The following NFIB variants were observed in gnomAD, a reference collection of about 807,000 sequenced individuals.
The protein encoded by NFIB is nuclear factor I B, also known as nuclear factor 1 B-type.
NFIB carries 11 observed loss-of-function variants against 61.5 expected under a neutral mutation model. The ratio of observed to expected loss-of-function variants is 0.18; its 90% CI spans 0.11 to 0.30. NFIB has a LOEUF of 0.30. Among genes scored for constraint, NFIB ranks in the 10% least tolerant of loss-of-function variants. The probability of loss-of-function intolerance (pLI) is 1.00; values close to 1 mark genes in which losing one functional copy is unlikely to be tolerated. For synonymous variants in NFIB, 260 were observed against 216.5 expected (o/e 1.20, Z -1.76); for missense variants, 471 against 608.9 (o/e 0.77, Z 2.38).
At chr9:14,118,402 T>G (rs1038789977) in intron 8 of NFIB, among the ~76,000 whole-genome samples, 2 of 152,082 alleles carry the variant, frequency 1.3e-5, no homozygotes, top group African/African-American at 2.4e-5. Flanking sequence ...ACCCTGACCA[T>G]TCTACAAACT....
chr9:14,140,768 T>C lies in NFIB; in HGVS notation c.925+5921A>G, dbSNP rs368974703. Among the ~76,000 whole-genome samples the C allele has an allele frequency of 3.4e-3, 525 of 152,214 alleles. 3 individuals carry two copies. Among genetic ancestry groups the C allele is most frequent in the Admixed American group, 5.6e-3 (86 of 15,284 alleles). On this transcript the variant is annotated intron_variant, in intron 6 of 10. Transcript: ENST00000380953. ...GGGTAACATAGTGAGACCCCAGCTC[T>C]ACACAAAATTTAAAAATTAGCTGGG...
At chr9:14,265,936 C>T (rs1225474300) in intron 2 of NFIB, among the ~76,000 whole-genome samples, 1 of 152,188 alleles carries the variant, frequency 6.6e-6, no homozygotes. Context: ...GATCAACTTA[C>T]TGCAATACCA....
intron 1 of NFIB, among the ~76,000 whole-genome samples, chr9:14,384,078 C>G (rs367697425): frequency 6.6e-6 from 1 of 152,182 alleles, no homozygotes; most frequent in African/African-American, 2.4e-5. Context: ...ATGAGGAGCA[C>G]GCCACATGCT....
chr9:14,198,079 A>T (rs2048646185), intron 2 of NFIB, among the ~76,000 whole-genome samples: 1 of 152,254 alleles, frequency 6.6e-6, no homozygotes, highest in Non-Finnish European at 1.5e-5. Context: ...AAGAATTAGT[A>T]GGTGGCTCAG....
the NFIB span, among the ~76,000 whole-genome samples, chr9:14,444,062 C>A: frequency 6.6e-6 from 1 of 152,158 alleles, no homozygotes; most frequent in Admixed American, 6.5e-5. Context: ...AATTATTTGT[C>A]ATTTTCTAAG....
chr9:14,296,801 T>C (rs1358337811), intron 2 of NFIB, among the ~76,000 whole-genome samples: 1 of 152,240 alleles, frequency 6.6e-6, no homozygotes, highest in African/African-American at 2.4e-5. Context: ...ACATTTTCTG[T>C]GCTCTACAAA....
the NFIB span, among the ~76,000 whole-genome samples, chr9:14,495,835 A>G: frequency 6.6e-6 from 1 of 152,188 alleles, no homozygotes; most frequent in Non-Finnish European, 1.5e-5. Context: ...TAATTTTCTC[A>G]CAGACTATCT....
At chr9:14,151,130 A>G (rs1269451132) in intron 4 of NFIB, among the ~76,000 whole-genome samples, 1 of 152,094 alleles carries the variant, frequency 6.6e-6, no homozygotes, top group East Asian at 1.9e-4. Flanking sequence ...AACCGGACAC[A>G]TAGGATTATT....
chr9:14,085,697 T>TA lies in NFIB; in HGVS notation c.*2611dup, dbSNP rs202139848. ...ACCCTCTGTTCAATCTTCTGGATAT[T>TA]AAAAAAAAATCCAAGTGCACTGCCA... On this transcript the variant is annotated 3_prime_UTR_variant, in exon 11 of 11. Coordinates refer to ENST00000380953, the MANE Select transcript of NFIB (RefSeq NM_001190737.2). 296 of 217,910 alleles carry TA rather than the reference T, an allele frequency of 1.4e-3. 1 individual carries two copies. Among genetic ancestry groups the TA allele is most frequent in the African/African-American group, 4.9e-3 (217 of 44,492 alleles). 13.5% of individuals were successfully genotyped at this position (217,910 alleles called of 1,614,324 possible).
At chr9:14,506,994 G>C in the NFIB span, among the ~76,000 whole-genome samples, 1 of 152,114 alleles carries the variant, frequency 6.6e-6, no homozygotes, top group Admixed American at 6.5e-5. Context: ...CATATCTACA[G>C]GCGACACCAT....
intron 2 of NFIB, among the ~76,000 whole-genome samples, chr9:14,267,036 C>T (rs1411600482): frequency 6.6e-6 from 1 of 152,026 alleles, no homozygotes; most frequent in African/African-American, 2.4e-5. Context: ...AGCTTTCTAG[C>T]ATACAGGGAA....
the NFIB span, among the ~76,000 whole-genome samples, chr9:14,487,452 C>G: frequency 6.6e-6 from 1 of 152,314 alleles, no homozygotes; most frequent in East Asian, 1.9e-4. Context: ...GGGAAGCAAA[C>G]TAGTAGCACA....
At chr9:14,436,783 G>C in the NFIB span, among the ~76,000 whole-genome samples, 2 of 152,050 alleles carry the variant, frequency 1.3e-5, no homozygotes, top group Admixed American at 6.5e-5. Context: ...ACAAAGACTT[G>C]GGATCTACTA....
intron 2 of NFIB, among the ~76,000 whole-genome samples, chr9:14,230,169 T>A (rs528792079): frequency 6.6e-6 from 1 of 152,288 alleles, no homozygotes; most frequent in Admixed American, 6.5e-5. Flanking sequence ...ATAAAATAAT[T>A]CAGGCAGAGT....
At chr9:14,114,605 G>T (rs1203367710) in intron 9 of NFIB, among the ~76,000 whole-genome samples, 1 of 152,138 alleles carries the variant, frequency 6.6e-6, no homozygotes, top group East Asian at 1.9e-4. Context: ...TGAATATTTT[G>T]TAATTTTACT....
At chr9:14,414,280 C>T in the NFIB span, among the ~76,000 whole-genome samples, 49 of 151,820 alleles carry the variant, frequency 3.2e-4, no homozygotes, top group African/African-American at 1.2e-3. Flanking sequence ...ACTAAAAATA[C>T]AAAAATTAGC....
chr9:14,414,511 AT>A, the NFIB span, among the ~76,000 whole-genome samples: 8,881 of 119,938 alleles, frequency 0.074, 605 homozygotes, highest in African/African-American at 0.23. Flanking sequence ...CACGTTTTGT[AT>A]TTTTTTTTTT....
At chr9:14,490,234 A>G in the NFIB span, among the ~76,000 whole-genome samples, 2 of 152,178 alleles carry the variant, frequency 1.3e-5, no homozygotes, top group African/African-American at 4.8e-5. Flanking sequence ...AAGTGTTTTG[A>G]TTGATAGAGC....
intron 3 of NFIB, among the ~76,000 whole-genome samples, chr9:14,160,703 T>C (rs940615602): frequency 1.3e-5 from 2 of 151,954 alleles, no homozygotes; most frequent in Non-Finnish European, 2.9e-5. Flanking sequence ...CATTATCTTA[T>C]AAAATATGTC....
Sources: gnomAD v4.1 joint callset for allele counts (sites outside exome capture counted in the v4.1 genomes callset) on GRCh38, gnomAD v4.1.1 for gene constraint, MANE v1.5 for transcripts, NCBI Gene and HGNC (gene_info 2026-07-23, HGNC 2026-07-21) for gene names.